CCDC181: variants seen among roughly 807,000 people sequenced by gnomAD.
CCDC181 encodes coiled-coil domain containing 181.
In CCDC181, 35 loss-of-function variants were observed where a neutral mutation model predicts 58.7. That is an observed-to-expected ratio of 0.60 (90% CI 0.46 to 0.79). CCDC181 has a LOEUF of 0.79. CCDC181 is among the 30% of genes least tolerant of loss of function. The probability of loss-of-function intolerance (pLI) is 0.00; values close to 1 mark genes in which losing one functional copy is unlikely to be tolerated. For missense variants in CCDC181, 517 were observed against 583.9 expected (o/e 0.89, Z 1.18); for synonymous variants, 183 against 197.5 (o/e 0.93, Z 0.62).
chr1:169,418,162 ACTT>A (rs960907782), intron 4 of CCDC181, among the ~76,000 whole-genome samples: 1 of 152,202 alleles, frequency 6.6e-6, no homozygotes, highest in African/African-American at 2.4e-5. Context: ...CCTCTGAAGA[ACTT>A]CTCCTACAGA....
Position 169,421,796 on chromosome 1 carries a change from T to A in CCDC181, c.635A>T (p.Asn212Ile). The A allele has an allele frequency of 6.2e-7, 1 of 1,614,156 alleles. No individual in the cohort carries two copies. The highest frequency in any genetic ancestry group is 8.5e-7 in the Non-Finnish European group (1 of 1,180,030). ...LSLTNGSCEENKDRTILVERD... is the reference protein window; with the variant it reads ...LSLTNGSCEEIKDRTILVERD... ...CTCTACCAGTATTGTCCTATCCTTGTTTTCTTCACAGCTTCCATTAGTAAG... is the reference window on the plus strand; with the variant it reads ...CTCTACCAGTATTGTCCTATCCTTGATTTCTTCACAGCTTCCATTAGTAAG... The change falls in exon 3 of 6, where the codon AAC becomes ATC. Residue 212 changes from asparagine to isoleucine, a missense_variant. By Grantham distance (149) the Asn-to-Ile change is moderately radical (BLOSUM62 -3). Transcript: ENST00000367806.
intron 2 of CCDC181, chr1:169,442,987 T>G (rs1657275712): frequency 6.6e-6 from 1 of 151,850 alleles, no homozygotes; most frequent in African/African-American, 2.4e-5. Context: ...TACAAATATA[T>G]AGAGAGACAT....
intron 4 of CCDC181, among the ~76,000 whole-genome samples, chr1:169,417,009 GAAT>G (rs918929117): frequency 3.3e-5 from 5 of 152,044 alleles, no homozygotes; most frequent in African/African-American, 1.2e-4. Flanking sequence ...GAAATTCACA[GAAT>G]AATACACACG....
At chr1:169,412,057 G>C (rs547118561) in intron 4 of CCDC181, among the ~76,000 whole-genome samples, 2 of 152,236 alleles carry the variant, frequency 1.3e-5, no homozygotes, top group Admixed American at 6.5e-5. Context: ...AGAAATACAG[G>C]GTATTCAAGT....
chr1:169,453,329 C>T (rs1657597153), intron 2 of CCDC181, among the ~76,000 whole-genome samples: 1 of 152,060 alleles, frequency 6.6e-6, no homozygotes, highest in South Asian at 2.1e-4. Context: ...TGTATGGACA[C>T]TACAACATAA....
intron 5 of CCDC181, 77 bp from the exon 6 acceptor site, chr1:169,395,283 G>A: frequency 7.9e-7 from 1 of 1,263,698 alleles, no homozygotes. Context: ...TACTATTATA[G>A]ACAAAATAAA....
intron 4 of CCDC181, among the ~76,000 whole-genome samples, chr1:169,415,430 C>G (rs1410290694): frequency 6.6e-6 from 1 of 152,174 alleles, no homozygotes; most frequent in Non-Finnish European, 1.5e-5. Context: ...TAAAAACTCC[C>G]AAACAACATC....
chr1:169,422,835 C>A (rs1656542563), intron 2 of CCDC181, among the ~76,000 whole-genome samples: 1 of 151,628 alleles, frequency 6.6e-6, no homozygotes, highest in South Asian at 2.1e-4. Flanking sequence ...AATTCCAGGT[C>A]AATTTTTACC....
intron 4 of CCDC181, among the ~76,000 whole-genome samples, chr1:169,409,650 G>T (rs1392528813): frequency 6.6e-6 from 1 of 152,138 alleles, no homozygotes; most frequent in Non-Finnish European, 1.5e-5. Flanking sequence ...GAAAGGTCGG[G>T]TTACTTATAA....
chr1:169,414,878 G>A (rs1424716777), intron 4 of CCDC181, among the ~76,000 whole-genome samples: 3 of 152,132 alleles, frequency 2.0e-5, no homozygotes, highest in Non-Finnish European at 2.9e-5. Flanking sequence ...CTTGAGTAGA[G>A]ACAAAGCTCA....
chr1:169,395,289 A>G, intron 5 of CCDC181, 83 bp from the exon 6 acceptor site: 1 of 1,192,030 alleles, frequency 8.4e-7, no homozygotes. Flanking sequence ...TATAGACAAA[A>G]TAAATGGACA....
At chr1:169,434,117 A>G (rs1348463750) in intron 2 of CCDC181, among the ~76,000 whole-genome samples, 2 of 151,990 alleles carry the variant, frequency 1.3e-5, no homozygotes, top group African/African-American at 4.8e-5. Context: ...CAAACACTCC[A>G]ATTCAAAAAA....
In CCDC181 at chr1:169,420,553, C is replaced by A. The variant is rs1450179108; in HGVS notation, c.1068+810G>T. Among the ~76,000 whole-genome samples the A allele has an allele frequency of 2.0e-5, 3 of 152,126 alleles. No homozygotes were observed. In the South Asian group the frequency reaches 6.2e-4, roughly 32 times the overall value. On this transcript the variant is annotated intron_variant, in intron 3 of 5. Transcript: ENST00000367806. ...TTTGCTACTAACAAGTACAGATATACCTTGGTAAAGTTATTTAAACTTTCT... is the reference window on the plus strand; with the variant it reads ...TTTGCTACTAACAAGTACAGATATAACTTGGTAAAGTTATTTAAACTTTCT...
At chr1:169,431,443 G>T (rs1656916371), upstream of CCDC181, among the ~76,000 whole-genome samples, 1 of 152,086 alleles carries the variant, frequency 6.6e-6, no homozygotes. Context: ...ATATTATTCT[G>T]CAATAAAAAT....
chr1:169,450,668 T>A (rs1657512257), intron 2 of CCDC181, among the ~76,000 whole-genome samples: 1 of 152,212 alleles, frequency 6.6e-6, no homozygotes, highest in African/African-American at 2.4e-5. Context: ...TTGGTTAGAT[T>A]TCTGTGCATA....
chr1:169,451,375 A>G (rs902181488), intron 2 of CCDC181: 1 of 152,178 alleles, frequency 6.6e-6, no homozygotes, highest in African/African-American at 2.4e-5. Context: ...GGACCATTGT[A>G]AGCCACAAAG....
chr1:169,455,868 G>T (rs1000974658), intron 2 of CCDC181, among the ~76,000 whole-genome samples: 1 of 152,148 alleles, frequency 6.6e-6, no homozygotes, highest in African/African-American at 2.4e-5. Flanking sequence ...TCTAAAATAT[G>T]TGTTTTTAGA....
At chr1:169,425,004 GGA>G in intron 1 of CCDC181, 54 bp from the exon 2 acceptor site, 1 of 731,382 alleles carries the variant, frequency 1.4e-6, no homozygotes, top group Non-Finnish European at 2.3e-6. Context: ...GAGGAGGAAT[GGA>G]GTATGGAGAT....
chr1:169,437,062 T>C (rs67795749), intron 2 of CCDC181, among the ~76,000 whole-genome samples: 11,208 of 151,988 alleles, frequency 0.074, 1,532 homozygotes, highest in East Asian at 0.66. Flanking sequence ...CGTTCAGGGA[T>C]CAGAGTTTTT....
Sources: allele counts gnomAD v4.1 joint callset (sites outside exome capture counted in the v4.1 genomes callset), GRCh38; gene constraint gnomAD v4.1.1; transcripts MANE v1.5; gene names NCBI Gene and HGNC (gene_info 2026-07-23, HGNC 2026-07-21).